Variants in ACTN1 observed in about 807,000 individuals in gnomAD.
The protein encoded by ACTN1 is alpha-actinin-1.
Under a neutral mutation model 119.6 loss-of-function variants are expected in ACTN1, and 30 were observed. That is an observed-to-expected ratio of 0.25 (90% CI 0.19 to 0.34). The LOEUF (loss-of-function observed/expected upper bound fraction) is 0.34. ACTN1 is among the 10% of genes least tolerant of loss of function. The pLI is 1.00. For synonymous variants in ACTN1, 429 were observed against 472.6 expected (o/e 0.91, Z 1.20); for missense variants, 764 against 1,223.4 (o/e 0.62, Z 5.60).
At position 68,913,900 on chromosome 14, in the gene ACTN1, A is replaced by G. The variant is rs144207878; in HGVS notation, c.341-1658T>C. Among the ~76,000 whole-genome samples the G allele has an allele frequency of 1.1e-4, 16 of 152,266 alleles. No individual in the cohort carries two copies. The East Asian group carries it at 3.1e-3, about 29-fold the overall frequency. On this transcript the variant is annotated intron_variant, in intron 3 of 21. Transcript: ENST00000394419. ...AGCCAGCCAGCATTTTGCAGTCCAC[A>G]TTGTGGGGAGGTAGTACTACTCATC...
intron 1 of ACTN1, among the ~76,000 whole-genome samples, chr14:68,954,817 T>C (rs138219026): frequency 5.8e-4 from 89 of 152,332 alleles, no homozygotes; most frequent in African/African-American, 1.9e-3. Flanking sequence ...CATCACTCGC[T>C]CTATTAGAAC....
In ACTN1 at chr14:68,880,572, T is replaced by C. The variant is rs1021325938; in HGVS notation, c.2133+238A>G. Among the ~76,000 whole-genome samples, 1 of 152,202 alleles carries C rather than the reference T, an allele frequency of 6.6e-6. No homozygotes were observed. The highest frequency in any genetic ancestry group is 6.5e-5 in the Admixed American group (1 of 15,284). ...CACCCAGAACCACCAGAAGTGCTTA[T>C]TCTGAACTCCACCCCAGAATTAGTG... On this transcript the variant is annotated intron_variant, in intron 17 of 21. Coordinates refer to ENST00000394419, the MANE Select transcript of ACTN1 (RefSeq NM_001130004.2). The surrounding 1 kb of genome is among the most constrained non-coding windows in gnomAD (Gnocchi z 4.6).
intron 2 of ACTN1, among the ~76,000 whole-genome samples, chr14:68,922,461 C>T (rs139520202): frequency 4.8e-4 from 73 of 152,324 alleles, no homozygotes; most frequent in African/African-American, 1.5e-3. Context: ...ATTTCCTGTC[C>T]GGGGGGAGAT....
rs5809408 is a variant in ACTN1 at position 68,974,552 on chromosome 14, T to TCACACA, written c.105+4394_105+4399dup. Among the ~76,000 whole-genome samples, 505 of 149,796 alleles carry TCACACA rather than the reference T, an allele frequency of 3.4e-3. 8 individuals are homozygous for TCACACA. The highest frequency in any genetic ancestry group is 2.6e-3 in the Non-Finnish European group (177 of 67,250). ...CTCTCCCCACCTCTGTCCTACAACA[T>TCACACA]CACACACACACACACACACACACGT... On this transcript the variant is annotated intron_variant, in intron 1 of 21. Coordinates refer to ENST00000394419, the MANE Select transcript of ACTN1 (RefSeq NM_001130004.2).
Position 68,967,448 on chromosome 14 carries a change from A to C in ACTN1, c.105+11504T>G, listed in dbSNP as rs75080877. 7.3e-3 allele frequency among the ~76,000 whole-genome samples: 1,113 copies of C among 152,296 alleles called. 14 individuals are homozygous for C. Among genetic ancestry groups the C allele is most frequent in the African/African-American group, 0.024 (982 of 41,566 alleles). On this transcript the variant is annotated intron_variant, in intron 1 of 21. Transcript: ENST00000394419. ...GGATGAGCTCATCAGGGAGCTCCTG[A>C]AAGTCCATTACTAGGGGGACCCCAG...
intron 1 of ACTN1, among the ~76,000 whole-genome samples, chr14:68,957,673 C>G (rs890353032): frequency 1.3e-5 from 2 of 152,164 alleles, no homozygotes; most frequent in Non-Finnish European, 2.9e-5. Flanking sequence ...GTAACAGAAG[C>G]AACTCTGTGG....
intron 1 of ACTN1, among the ~76,000 whole-genome samples, chr14:68,931,923 T>C (rs1020157496): frequency 2.0e-5 from 3 of 152,010 alleles, no homozygotes; most frequent in Non-Finnish European, 4.4e-5. Context: ...GCCCCTCCAG[T>C]TGAGCTAAGT....
intron 7 of ACTN1, among the ~76,000 whole-genome samples, chr14:68,904,126 A>C (rs2033518285): frequency 6.6e-6 from 1 of 152,084 alleles, no homozygotes; most frequent in South Asian, 2.1e-4. Context: ...ACCACTGAGA[A>C]AGTCCAAGCC....
At chr14:68,943,602 G>A (rs976197682) in intron 1 of ACTN1, among the ~76,000 whole-genome samples, 1 of 152,156 alleles carries the variant, frequency 6.6e-6, no homozygotes, top group South Asian at 2.1e-4. Flanking sequence ...TGATGGCAAC[G>A]TGGACTTCAG....
rs1355816163 is a variant in ACTN1, at chr14:68,885,179, G to T, written c.1385+246C>A. ...ACGAGAAAGCTCAGAACCAAGTCTT[G>T]GTCACCCTCTGCTCCTGTACTAGCT... On this transcript the variant is annotated intron_variant, in intron 12 of 21. Transcript: ENST00000394419. This position sits in a 1 kb window ranked among gnomAD's most constrained non-coding sequence, Gnocchi z 5.6. 6.6e-6 allele frequency among the ~76,000 whole-genome samples: 1 copy of T among 152,060 alleles called. No individual in the cohort carries two copies. Among genetic ancestry groups the T allele is most frequent in the African/African-American group, 2.4e-5 (1 of 41,400 alleles).
At chr14:68,959,605 G>A (rs536017728) in intron 1 of ACTN1, among the ~76,000 whole-genome samples, 5 of 152,288 alleles carry the variant, frequency 3.3e-5, no homozygotes, top group Admixed American at 2.6e-4. Context: ...TAGGCTAGGC[G>A]AAATAAGCAA....
At chr14:68,970,052 C>G (rs1052710457) in intron 1 of ACTN1, among the ~76,000 whole-genome samples, 2 of 152,094 alleles carry the variant, frequency 1.3e-5, no homozygotes, top group Non-Finnish European at 2.9e-5. Context: ...AAAAATAAAT[C>G]TTCAGGCCCA....
chr14:68,950,477 T>TATATATATATATATATATAC lies in ACTN1; in HGVS notation c.106-24806_106-24805insGTATATATATATATATATAT, dbSNP rs1349794768. Among the ~76,000 whole-genome samples, 23 of 144,880 alleles carry TATATATATATATATATATAC rather than the reference T, an allele frequency of 1.6e-4. 1 individual carries two copies. The highest frequency in any genetic ancestry group is 6.0e-4 in the African/African-American group (21 of 34,992). Reference sequence around the variant, plus strand: ...ATGCGTGTGTGTATATATATATATATAAATCAAACATATAAAATCTGTGGT... The same window carrying TATATATATATATATATATAC: ...ATGCGTGTGTGTATATATATATATATATATATATATATATATATACAAATCAAACATATAAAATCTGTGGT... On this transcript the variant is annotated intron_variant, in intron 1 of 21. Coordinates refer to ENST00000394419, the MANE Select transcript of ACTN1 (RefSeq NM_001130004.2).
At chr14:68,945,349 G>T (rs1293257925) in intron 1 of ACTN1, among the ~76,000 whole-genome samples, 1 of 152,106 alleles carries the variant, frequency 6.6e-6, no homozygotes, top group Non-Finnish European at 1.5e-5. Context: ...GGGTGTTCGG[G>T]TTCCTGCAGC....
chr14:68,976,350 G>C (rs774347801), intron 1 of ACTN1, among the ~76,000 whole-genome samples: 2 of 151,916 alleles, frequency 1.3e-5, no homozygotes, highest in African/African-American at 4.8e-5. Flanking sequence ...CACAAACCCC[G>C]CCTCCCAGTC....
rs60899029 is a variant in ACTN1, at chr14:68,950,294, CAAA to C, written c.106-24625_106-24623del. ...TGGGTGACAGAGTGAGTTGTTGTCT[CAAA>C]AAAAAAAAAAAAAAAAAAAAAAAGA... On this transcript the variant is annotated intron_variant, in intron 1 of 21. Coordinates refer to ENST00000394419, the MANE Select transcript of ACTN1 (RefSeq NM_001130004.2). 1.2e-4 allele frequency among the ~76,000 whole-genome samples: 14 copies of C among 121,518 alleles called. 1 individual carries two copies. Among genetic ancestry groups the C allele is most frequent in the African/African-American group, 4.2e-4 (13 of 31,004 alleles). The allele number at this position is 121,518 out of a possible 152,430, so 79.7% of individuals were successfully genotyped here.
intron 1 of ACTN1, among the ~76,000 whole-genome samples, chr14:68,951,928 G>A (rs761873274): frequency 5.3e-5 from 8 of 152,240 alleles, no homozygotes; most frequent in Admixed American, 2.6e-4. Context: ...GTGAACAAGC[G>A]CAGCCTTGTG....
intron 1 of ACTN1, among the ~76,000 whole-genome samples, chr14:68,955,180 G>T (rs2036312497): frequency 6.6e-6 from 1 of 152,180 alleles, no homozygotes; most frequent in East Asian, 1.9e-4. Flanking sequence ...CAGCCAGAGG[G>T]TTTCTTGACC....
intron 1 of ACTN1, among the ~76,000 whole-genome samples, chr14:68,948,551 C>T (rs2036020101): frequency 6.6e-6 from 1 of 152,124 alleles, no homozygotes; most frequent in African/African-American, 2.4e-5. Context: ...GCACTCCAGC[C>T]TGGGCAAAAC....
Sources: allele counts gnomAD v4.1 joint callset (sites outside exome capture counted in the v4.1 genomes callset), GRCh38; gene constraint gnomAD v4.1.1; non-coding constraint Gnocchi (gnomAD v3.1); transcripts MANE v1.5; gene names NCBI Gene and HGNC (gene_info 2026-07-23, HGNC 2026-07-21).